MGST1: variants seen among roughly 807,000 people sequenced by gnomAD.
The protein encoded by MGST1 is microsomal glutathione S-transferase 1, also known as glutathione S-transferase 12.
MGST1 carries 5 observed loss-of-function variants against 8.9 expected under a neutral mutation model. The observed-to-expected ratio is 0.56, with a 90% CI of 0.29 to 1.19. The LOEUF is 1.19. Ranked by LOEUF, MGST1 falls within the 50% of genes most tolerant of loss-of-function variation. The pLI is 0.08. For synonymous variants in MGST1, 54 were observed against 67.8 expected (o/e 0.80, Z 1.00); for missense variants, 182 against 187.4 (o/e 0.97, Z 0.17).
chr12:16,390,682 G>T (rs1190406308), intron 1 of MGST1, among the ~76,000 whole-genome samples: 1 of 152,072 alleles, frequency 6.6e-6, no homozygotes, highest in East Asian at 1.9e-4. Flanking sequence ...TGGTGTATAT[G>T]TACACATTTT....
downstream of MGST1, among the ~76,000 whole-genome samples, chr12:16,365,041 A>T (rs1016790793): frequency 1.3e-5 from 2 of 152,302 alleles, no homozygotes; most frequent in South Asian, 4.1e-4. Flanking sequence ...GGCATATGAT[A>T]TCAGTTTGCC....
intron 4 of MGST1, among the ~76,000 whole-genome samples, chr12:16,470,155 G>C (rs1941282564): frequency 2.0e-5 from 3 of 152,078 alleles, no homozygotes; most frequent in South Asian, 4.1e-4. Context: ...ACTGTTGGTA[G>C]TACAAAAATA....
intron 4 of MGST1, among the ~76,000 whole-genome samples, chr12:16,562,773 A>C (rs958409009): frequency 3.3e-5 from 5 of 152,234 alleles, no homozygotes; most frequent in African/African-American, 1.2e-4. Flanking sequence ...CTCTGGGTTA[A>C]TAACAGACAA....
At chr12:16,382,332 C>G (rs1396884667), upstream of MGST1, among the ~76,000 whole-genome samples, 3 of 152,120 alleles carry the variant, frequency 2.0e-5, no homozygotes, top group African/African-American at 7.2e-5. Context: ...GATGTCCTTT[C>G]TGTTTGTTAG....
At chr12:16,412,189 T>C (rs1233359831) in intron 1 of MGST1, among the ~76,000 whole-genome samples, 1 of 152,190 alleles carries the variant, frequency 6.6e-6, no homozygotes. Flanking sequence ...TCAGAAGACT[T>C]AGATTTGAAT....
At chr12:16,498,719 T>C (rs1288363382) in intron 4 of MGST1, among the ~76,000 whole-genome samples, 4 of 152,142 alleles carry the variant, frequency 2.6e-5, no homozygotes, top group East Asian at 1.9e-4. Context: ...TCAAATGATA[T>C]GTTAGAAAAG....
rs1248763013 is a variant in MGST1, at chr12:16,589,366, A to C, written n.483-162A>C. Among the ~76,000 whole-genome samples the C allele has an allele frequency of 6.6e-6, 1 of 152,128 alleles. No individual in the cohort carries two copies. The highest frequency in any genetic ancestry group is 1.5e-5 in the Non-Finnish European group (1 of 68,006). On this transcript the variant is annotated intron_variant and non_coding_transcript_variant, in intron 4 of 4. Coordinates refer to the MGST1 transcript ENST00000538857. This position sits in a 1 kb window ranked among gnomAD's most constrained non-coding sequence, Gnocchi z 4.2. ...ATGAGACATTTAAAATATACTGTAC[A>C]TATTACTATGAGTGCAGTATAAGCT...
chr12:16,583,148 G>A (rs879538168), intron 4 of MGST1, among the ~76,000 whole-genome samples: 18 of 151,858 alleles, frequency 1.2e-4, no homozygotes, highest in Admixed American at 1.0e-3. Flanking sequence ...AAAGAGAAGA[G>A]AGACTGTAAG....
chr12:16,380,514 G>T (rs1315317365), downstream of MGST1, among the ~76,000 whole-genome samples: 1 of 152,150 alleles, frequency 6.6e-6, no homozygotes, highest in East Asian at 1.9e-4. Context: ...GAGACAGTTT[G>T]TTATAATTTC....
rs2193141 is a variant in MGST1, at chr12:16,457,417, A to T, written n.482+73813A>T. 8.9e-4 allele frequency among the ~76,000 whole-genome samples: 135 copies of T among 152,090 alleles called. 3 individuals carry two copies. The highest frequency in any genetic ancestry group is 7.7e-3 in the Admixed American group (118 of 15,228). On this transcript the variant is annotated intron_variant and non_coding_transcript_variant, in intron 4 of 4. Coordinates refer to the MGST1 transcript ENST00000538857. ...GCCTAAATACCCTAGTTTATAATTC[A>T]GCAAAGTGCTTGGAAGAGGCACAGT...
downstream of MGST1, among the ~76,000 whole-genome samples, chr12:16,365,882 G>T (rs1166120876): frequency 6.6e-6 from 1 of 152,192 alleles, no homozygotes; most frequent in East Asian, 1.9e-4. Context: ...TTTGAAAAAA[G>T]TATATTCTAA....
intron 1 of MGST1, among the ~76,000 whole-genome samples, chr12:16,408,572 T>G (rs1296856497): frequency 6.6e-6 from 1 of 152,206 alleles, no homozygotes; most frequent in Non-Finnish European, 1.5e-5. Flanking sequence ...CTTCTGGCTG[T>G]TATTTTTACC....
downstream of MGST1, among the ~76,000 whole-genome samples, chr12:16,366,627 G>A (rs7953976): frequency 2.7e-4 from 5 of 18,516 alleles, no homozygotes; most frequent in South Asian, 2.9e-3. This position sits in a 1 kb window ranked among gnomAD's most constrained non-coding sequence, Gnocchi z 4.0. Context: ...ATATCTGTGT[G>A]TACACACACA....
At chr12:16,565,798 A>C (rs1055582943) in intron 4 of MGST1, among the ~76,000 whole-genome samples, 4 of 151,296 alleles carry the variant, frequency 2.6e-5, no homozygotes, top group African/African-American at 9.7e-5. Context: ...TCCTCAAAAA[A>C]ATTAAAAACA....
downstream of MGST1, among the ~76,000 whole-genome samples, chr12:16,592,618 A>C (rs150987329): frequency 2.4e-4 from 36 of 152,074 alleles, no homozygotes; most frequent in East Asian, 6.6e-3. Context: ...TGATCCACTC[A>C]TGTTACCAAC....
At chr12:16,499,166 A>G (rs747288753) in intron 4 of MGST1, among the ~76,000 whole-genome samples, 3 of 152,194 alleles carry the variant, frequency 2.0e-5, no homozygotes, top group Non-Finnish European at 4.4e-5. Flanking sequence ...CATAGGTACA[A>G]TAACAGCATC....
chr12:16,393,515 GA>G (rs1591715921), intron 1 of MGST1, among the ~76,000 whole-genome samples: 1 of 152,260 alleles, frequency 6.6e-6, no homozygotes, highest in South Asian at 2.1e-4. Context: ...AGGTGCAAGG[GA>G]AAAACCACAG....
At chr12:16,383,436 G>GTCTTTT (rs1182032313) in exon 1 of MGST1, 2 of 151,968 alleles carry the variant, frequency 1.3e-5, no homozygotes, top group Non-Finnish European at 2.9e-5. Flanking sequence ...TTTTTTCCAA[G>GTCTTTT]TCTTTTTCTT....
rs1047845048 is a variant in MGST1, at chr12:16,521,900, A to G, written n.483-67628A>G. ...AAACCATTCCGAGAACACTATTGTC[A>G]AGAGACACCTTTGAACTGATCTATC... On this transcript the variant is annotated intron_variant and non_coding_transcript_variant, in intron 4 of 4. Coordinates refer to the MGST1 transcript ENST00000538857. Among the ~76,000 whole-genome samples the G allele has an allele frequency of 5.7e-4, 87 of 152,256 alleles. 2 individuals carry two copies. The highest frequency in any genetic ancestry group is 2.0e-3 in the African/African-American group (84 of 41,564).
Sources: gnomAD v4.1 joint callset for allele counts (sites outside exome capture counted in the v4.1 genomes callset) on GRCh38, gnomAD v4.1.1 for gene constraint, Gnocchi (gnomAD v3.1) non-coding constraint, MANE v1.5 for transcripts, NCBI Gene and HGNC (gene_info 2026-07-23, HGNC 2026-07-21) for gene names.